MMP20: variants seen among roughly 807,000 people sequenced by gnomAD.
MMP20 encodes matrix metallopeptidase 20, also known as matrix metalloproteinase-20.
A neutral mutation model predicts 51.8 loss-of-function variants in MMP20; 50 were observed. The observed-to-expected ratio is 0.97, with a 90% CI of 0.77 to 1.22. The LOEUF (loss-of-function observed/expected upper bound fraction) is 1.22, where lower values mean the gene tolerates loss of function less well. Among genes scored for constraint, MMP20 ranks in the 50% most tolerant of loss-of-function variants. The pLI is 0.00. For synonymous variants in MMP20, 244 were observed against 216.2 expected (o/e 1.13, Z -1.13); for missense variants, 663 against 601.4 (o/e 1.10, Z -1.07).
chr11:102,620,627 C>A (rs1057460523), intron 1 of MMP20, among the ~76,000 whole-genome samples: 7 of 152,206 alleles, frequency 4.6e-5, no homozygotes, highest in African/African-American at 1.7e-4. Flanking sequence ...CAGCTTAGGT[C>A]TCCCTTCCAA....
At chr11:102,605,736 A>G (rs1784427) in intron 6 of MMP20, among the ~76,000 whole-genome samples, 61,965 of 151,994 alleles carry the variant, frequency 0.41, 13,078 homozygotes, top group South Asian at 0.59. Flanking sequence ...ATAATGCCAC[A>G]CATGAATGCT....
chr11:102,586,937 A>G (rs1438990761), intron 8 of MMP20, among the ~76,000 whole-genome samples: 2 of 152,024 alleles, frequency 1.3e-5, no homozygotes, highest in African/African-American at 4.8e-5. Flanking sequence ...TTTATTTATC[A>G]TCTATTTTAT....
chr11:102,601,046 G>A (rs1353391018), intron 6 of MMP20, among the ~76,000 whole-genome samples: 1 of 151,636 alleles, frequency 6.6e-6, no homozygotes, highest in Non-Finnish European at 1.5e-5. Flanking sequence ...ATGACAGTAT[G>A]GATTAAATGA....
chr11:102,583,931 T>C (rs1425897849), intron 8 of MMP20, among the ~76,000 whole-genome samples: 3 of 152,230 alleles, frequency 2.0e-5, no homozygotes, highest in Non-Finnish European at 4.4e-5. Flanking sequence ...CTCTCAAGAT[T>C]CATCCATGTC....
At chr11:102,587,871 G>T (rs11225334) in intron 8 of MMP20, among the ~76,000 whole-genome samples, 4,405 of 152,098 alleles carry the variant, frequency 0.029, 214 homozygotes, top group African/African-American at 0.1. Flanking sequence ...CAGCATATAG[G>T]TGGGTCTTGT....
At chr11:102,583,964 T>C (rs1859225075) in intron 8 of MMP20, among the ~76,000 whole-genome samples, 1 of 152,248 alleles carries the variant, frequency 6.6e-6, no homozygotes, top group Non-Finnish European at 1.5e-5. Flanking sequence ...AGCATTTCAT[T>C]CATTTTTGTG....
At chr11:102,578,258 C>T (rs1227348831) in intron 9 of MMP20, among the ~76,000 whole-genome samples, 2 of 151,948 alleles carry the variant, frequency 1.3e-5, no homozygotes, top group Non-Finnish European at 2.9e-5. Context: ...ATCCTCCCAT[C>T]TCAGCATCCG....
chr11:102,593,592 G>A lies in MMP20; in HGVS notation c.1094C>T (p.Pro365Leu). Residue 365 changes from proline to leucine, a missense_variant, in exon 8 of 10, where the codon CCC becomes CTC. Transcript: ENST00000260228. The part of the protein sequence containing the change: ...ERGTAYFFKG[P>L]HYWITRGFQM... ...GAATCCTCTTGTTATCCAGTAGTGG[G>A]GACCTGAAAACAGAAATTAAAGTTT... 2 of 1,614,024 alleles carry A rather than the reference G, an allele frequency of 1.2e-6. No homozygotes were observed. The highest frequency in any genetic ancestry group is 1.7e-6 in the Non-Finnish European group (2 of 1,179,946).
rs61730850 is a variant in MMP20, at chr11:102,609,016, C to T, written c.732G>A (p.Met244Ile). 5.0e-6 allele frequency: 8 copies of T among 1,614,004 alleles called. No individual in the cohort carries two copies. The highest frequency in any genetic ancestry group is 6.8e-6 in the Non-Finnish European group (8 of 1,179,894). The change falls in exon 5 of 10, where the codon ATG (methionine) becomes ATA (isoleucine). Residue 244 changes from methionine (M) to isoleucine (I), a missense_variant. Coordinates refer to ENST00000260228, the MANE Select transcript of MMP20 (RefSeq NM_004771.4). ...LAHSTDPSALMYPTYKYKNPY... is the reference protein window; with the variant it reads ...LAHSTDPSALIYPTYKYKNPY... ...GATTCTTGTACTTATAAGTTGGGTA[C>T]ATCAGTGCTGATGGGTCTGTGGAAT...
At chr11:102,615,083 AAT>A (rs939794273) in intron 2 of MMP20, among the ~76,000 whole-genome samples, 9 of 147,706 alleles carry the variant, frequency 6.1e-5, no homozygotes, top group Non-Finnish European at 1.2e-4. Context: ...TAATGTATTT[AAT>A]ATAATTTAAT....
Position 102,594,514 on chromosome 11 carries a change from G to A in MMP20, c.1090+107C>T. On this transcript the variant is annotated intron_variant, in intron 7 of 9. Transcript: ENST00000260228. Reference sequence around the variant, plus strand: ...CCCAACCTGAGGACAAAGAGCAACTGAAATGTGCTCCATGATGACTGGAAA... The same window carrying A: ...CCCAACCTGAGGACAAAGAGCAACTAAAATGTGCTCCATGATGACTGGAAA... 6 of 1,437,902 alleles carry A rather than the reference G, an allele frequency of 4.2e-6. No homozygotes were observed. The South Asian group carries it at 4.8e-5, about 12-fold the overall frequency. 89.1% of individuals were successfully genotyped at this position (1,437,902 alleles called of 1,614,324 possible).
rs187023168 is a variant in MMP20, at chr11:102,621,032, T to C, written c.127-3973A>G. On this transcript the variant is annotated intron_variant, in intron 1 of 9. Transcript: ENST00000260228. ...ACACATCTGCGTGGCTGGCCCACCC[T>C]TCAGGGTCAGCAGCTTAACTCTTTC... 4.2e-3 allele frequency among the ~76,000 whole-genome samples: 633 copies of C among 152,320 alleles called. 3 individuals are homozygous for C. Among genetic ancestry groups the C allele is most frequent in the African/African-American group, 0.015 (609 of 41,578 alleles).
At chr11:102,594,190 C>A (rs1367083788) in intron 7 of MMP20, among the ~76,000 whole-genome samples, 1 of 152,206 alleles carries the variant, frequency 6.6e-6, no homozygotes, top group Non-Finnish European at 1.5e-5. Flanking sequence ...GTGTCCACCT[C>A]CTGAAGTCAA....
chr11:102,595,470 G>T (rs1231302497), intron 6 of MMP20, among the ~76,000 whole-genome samples: 1 of 152,144 alleles, frequency 6.6e-6, no homozygotes, highest in Non-Finnish European at 1.5e-5. Context: ...TCTTTTAAAA[G>T]TTAAAATCTT....
rs762975139 is a variant in MMP20, at chr11:102,611,917, A to G, written c.375-14T>C. The G allele has an allele frequency of 1.2e-6, 2 of 1,613,982 alleles. No homozygotes were observed. Among genetic ancestry groups the G allele is most frequent in the East Asian group, 2.2e-5 (1 of 44,888 alleles). Reference sequence around the variant, plus strand: ...TATTTAGATATTCTGTGAAAACGGAAGGAACATGTTTTCTTTTCAGTAACT... The same window carrying G: ...TATTTAGATATTCTGTGAAAACGGAGGGAACATGTTTTCTTTTCAGTAACT... On this transcript the variant is annotated splice_polypyrimidine_tract_variant and intron_variant, in intron 2 of 9. Coordinates refer to ENST00000260228, the MANE Select transcript of MMP20 (RefSeq NM_004771.4).
chr11:102,602,991 A>G (rs1277546564), intron 6 of MMP20, among the ~76,000 whole-genome samples: 3 of 152,224 alleles, frequency 2.0e-5, no homozygotes. Flanking sequence ...AAGTATATCT[A>G]GCTATATATA....
intron 1 of MMP20, among the ~76,000 whole-genome samples, chr11:102,617,380 A>G (rs868239344): frequency 2.2e-4 from 34 of 152,356 alleles, no homozygotes; most frequent in African/African-American, 7.5e-4. Context: ...AAAAAAATTC[A>G]GGGAAGGAAG....
intron 9 of MMP20, 130 bp downstream of exon 9, chr11:102,578,909 T>A (rs1462452397): frequency 1.4e-6 from 1 of 703,566 alleles, no homozygotes; most frequent in Non-Finnish European, 2.6e-6. Flanking sequence ...GATAAACTTA[T>A]GAAAGGACCT....
chr11:102,586,744 G>A (rs1859259284), intron 8 of MMP20, among the ~76,000 whole-genome samples: 1 of 152,034 alleles, frequency 6.6e-6, no homozygotes, highest in Admixed American at 6.6e-5. Flanking sequence ...GTGAACCCGG[G>A]AGGCGGAGCT....
Sources: allele counts gnomAD v4.1 joint callset (sites outside exome capture counted in the v4.1 genomes callset), GRCh38; gene constraint gnomAD v4.1.1; transcripts MANE v1.5; gene names NCBI Gene and HGNC (gene_info 2026-07-23, HGNC 2026-07-21).